Variants in SEPTIN11 observed in about 807,000 individuals in gnomAD.
SEPTIN11 encodes the protein septin-11.
A neutral mutation model predicts 51.4 loss-of-function variants in SEPTIN11; 25 were observed. The observed-to-expected ratio is 0.49, with a 90% CI of 0.35 to 0.68. The LOEUF (loss-of-function observed/expected upper bound fraction) is 0.68. Ranked by LOEUF, SEPTIN11 falls within the 30% of genes least tolerant of loss-of-function variation. The pLI is 0.00. For missense variants in SEPTIN11, 381 were observed against 520.8 expected, an observed-to-expected ratio of 0.73 and a Z score of 2.61; for synonymous variants, 174 against 184.1, an observed-to-expected ratio of 0.95 and a Z score of 0.44.
chr4:76,999,618 T>C (rs1279321945), intron 2 of SEPTIN11, among the ~76,000 whole-genome samples: 1 of 152,226 alleles, frequency 6.6e-6, no homozygotes, highest in Non-Finnish European at 1.5e-5. Context: ...TAATTTTGTT[T>C]TGTGGCGTGA....
intron 7 of SEPTIN11, among the ~76,000 whole-genome samples, chr4:77,022,983 G>A (rs905658899): frequency 1.2e-4 from 19 of 152,146 alleles, no homozygotes; most frequent in Non-Finnish European, 2.5e-4. Flanking sequence ...CTGCTAAGTT[G>A]TCTGTGTGGC....
intron 3 of SEPTIN11, among the ~76,000 whole-genome samples, chr4:77,010,908 A>G (rs1578179758): frequency 1.3e-5 from 2 of 152,334 alleles, no homozygotes; most frequent in East Asian, 1.9e-4. Flanking sequence ...CTTCCTGGAC[A>G]TGTGGTTTAT....
intron 1 of SEPTIN11, among the ~76,000 whole-genome samples, chr4:76,959,353 A>G (rs933855550): frequency 1.3e-5 from 2 of 150,464 alleles, no homozygotes; most frequent in Admixed American, 6.7e-5. Flanking sequence ...GCCTCAAGTG[A>G]TCCTCCTGTC....
intron 2 of SEPTIN11, among the ~76,000 whole-genome samples, chr4:77,001,477 G>C (rs1021903838): frequency 6.6e-6 from 1 of 151,882 alleles, no homozygotes; most frequent in Admixed American, 6.6e-5. Context: ...AGCCTTCCAA[G>C]TAGCTGGGAT....
intron 5 of SEPTIN11, among the ~76,000 whole-genome samples, chr4:77,016,659 C>G (rs13104386): frequency 1.5e-5 from 1 of 65,704 alleles, no homozygotes; most frequent in African/African-American, 5.3e-5. Context: ...TATATATACA[C>G]ATATATATAT....
chr4:77,018,625 T>A (rs1404564513), intron 5 of SEPTIN11, among the ~76,000 whole-genome samples: 3 of 152,198 alleles, frequency 2.0e-5, no homozygotes, highest in Non-Finnish European at 4.4e-5. Flanking sequence ...CTAACATACC[T>A]TAAAGATTTT....
chr4:77,023,269 T>TACACACAC (rs61693678), intron 7 of SEPTIN11, among the ~76,000 whole-genome samples: 2,642 of 139,216 alleles, frequency 0.019, 52 homozygotes, highest in South Asian at 0.056. Context: ...GGAAAATGTA[T>TACACACAC]ACACACACAC....
intron 2 of SEPTIN11, among the ~76,000 whole-genome samples, chr4:76,998,716 T>C (rs571113262): frequency 1.3e-5 from 2 of 152,032 alleles, no homozygotes; most frequent in Non-Finnish European, 2.9e-5. Context: ...TCTGTGGTTC[T>C]TGATCCTGCT....
intron 5 of SEPTIN11, among the ~76,000 whole-genome samples, chr4:77,016,639 T>TAC (rs1553975096): frequency 9.0e-6 from 1 of 110,902 alleles, no homozygotes; most frequent in Non-Finnish European, 1.9e-5. Context: ...TACACATATA[T>TAC]ATATATATAT....
At chr4:76,976,849 A>G (rs148647220) in intron 1 of SEPTIN11, among the ~76,000 whole-genome samples, 74 of 152,268 alleles carry the variant, frequency 4.9e-4, no homozygotes, top group African/African-American at 1.7e-3. Context: ...CCACCCATCT[A>G]TGTTACAGAT....
intron 2 of SEPTIN11, among the ~76,000 whole-genome samples, chr4:77,001,860 A>G (rs1724144990): frequency 6.6e-6 from 1 of 152,220 alleles, no homozygotes; most frequent in African/African-American, 2.4e-5. Flanking sequence ...GCTTACAAAG[A>G]TTAGAGAGAA....
In SEPTIN11 at chr4:77,036,257, C is replaced by T; in HGVS notation, c.*1745C>T. On this transcript the variant is annotated 3_prime_UTR_variant, in exon 10 of 10. Transcript: ENST00000264893. ...TTCACAGGTTTAGGAGCTACTGGAC[C>T]AACATTCTTGTTTTTGCTTTTGTTT... is the stretch of plus-strand genomic sequence containing the variant. The T allele has an allele frequency of 9.9e-7, 1 of 1,014,648 alleles. No individual in the cohort carries two copies. The highest frequency in any genetic ancestry group is 1.2e-6 in the Non-Finnish European group (1 of 848,356). 62.9% of individuals were successfully genotyped at this position (1,014,648 alleles called of 1,614,324 possible). A position where few individuals can be genotyped will look rare whatever the true frequency, so the allele number is the denominator to read the frequency against.
chr4:77,038,590 G>A lies in SEPTIN11; in HGVS notation c.*4078G>A, dbSNP rs1428300567. The A allele has an allele frequency of 1.0e-6, 1 of 994,516 alleles. No individual in the cohort carries two copies. The highest frequency in any genetic ancestry group is 1.2e-6 in the Non-Finnish European group (1 of 835,716). 61.6% of individuals were successfully genotyped at this position (994,516 alleles called of 1,614,324 possible). Reference sequence around the variant, plus strand: ...ACTAGTGCCAAGACATAAAGCGGGGGAAAATATATTTTTACCCAAACATTA... The same window carrying A: ...ACTAGTGCCAAGACATAAAGCGGGGAAAAATATATTTTTACCCAAACATTA... On this transcript the variant is annotated 3_prime_UTR_variant, in exon 10 of 10. Coordinates refer to ENST00000264893, the MANE Select transcript of SEPTIN11 (RefSeq NM_018243.4).
intron 8 of SEPTIN11, 94 bp downstream of exon 8, chr4:77,028,855 C>A: frequency 1.5e-6 from 2 of 1,320,554 alleles, no homozygotes; most frequent in Non-Finnish European, 2.0e-6. Flanking sequence ...GGTCCAAGTA[C>A]TTTCTACATG....
At chr4:76,999,014 C>T (rs1014711903) in intron 2 of SEPTIN11, among the ~76,000 whole-genome samples, 1 of 152,178 alleles carries the variant, frequency 6.6e-6, no homozygotes, top group Non-Finnish European at 1.5e-5. Context: ...AGCTTTCTCA[C>T]AGTTACATAG....
At chr4:77,010,052 T>G (rs753587337) in intron 3 of SEPTIN11, 70 of 152,208 alleles carry the variant, frequency 4.6e-4, no homozygotes, top group Non-Finnish European at 8.5e-4. Flanking sequence ...TAGTGGTGGT[T>G]GTTTATTATA....
At position 77,024,633 on chromosome 4, in the gene SEPTIN11, T is replaced by A. The variant is rs1488636794; in HGVS notation, c.953+3963T>A. ...CCCCCGTTCAACTCACACGAAGCAC[T>A]CAGTTACCACCATTTTCTCAGAGGC... On this transcript the variant is annotated intron_variant, in intron 7 of 9. Coordinates refer to ENST00000264893, the MANE Select transcript of SEPTIN11 (RefSeq NM_018243.4). The surrounding 1 kb of genome is among the most constrained non-coding windows in gnomAD (Gnocchi z 4.2). Among the ~76,000 whole-genome samples, 10 of 152,080 alleles carry A rather than the reference T, an allele frequency of 6.6e-5. No individual in the cohort carries two copies. The highest frequency in any genetic ancestry group is 6.6e-4 in the Admixed American group (10 of 15,262).
At chr4:77,016,636 A>G (rs1399868570) in intron 5 of SEPTIN11, among the ~76,000 whole-genome samples, 11 of 90,288 alleles carry the variant, frequency 1.2e-4, no homozygotes, top group Non-Finnish European at 2.6e-4. Context: ...ATATACACAT[A>G]TATATATATA....
chr4:76,980,999 A>T (rs898153293), intron 1 of SEPTIN11, among the ~76,000 whole-genome samples: 1 of 152,188 alleles, frequency 6.6e-6, no homozygotes. Context: ...CACATATCCC[A>T]TACTCTTAAT....
Sources: gnomAD v4.1 joint callset for allele counts (sites outside exome capture counted in the v4.1 genomes callset) on GRCh38, gnomAD v4.1.1 for gene constraint, Gnocchi (gnomAD v3.1) non-coding constraint, MANE v1.5 for transcripts, NCBI Gene and HGNC (gene_info 2026-07-23, HGNC 2026-07-21) for gene names.